The following GREB1 variants were observed in gnomAD, a reference collection of about 807,000 sequenced individuals.
GREB1 encodes growth regulating estrogen receptor binding 1.
A neutral mutation model predicts 200.7 loss-of-function variants in GREB1; 106 were observed. The observed-to-expected ratio is 0.53, with a 90% CI of 0.45 to 0.62. The LOEUF is 0.62. Among genes scored for constraint, GREB1 ranks in the 20% least tolerant of loss-of-function variants. GREB1 has a pLI of 0.00. For synonymous variants in GREB1, 1,132 were observed against 1,092.4 expected (o/e 1.04, Z -0.72); for missense variants, 2,243 against 2,556.8 (o/e 0.88, Z 2.65).
intron 1 of GREB1, among the ~76,000 whole-genome samples, chr2:11,513,049 G>A (rs1673394859): frequency 6.6e-6 from 1 of 152,176 alleles, no homozygotes; most frequent in African/African-American, 2.4e-5. Context: ...AAACTTCTCT[G>A]TTCTGGAGCT....
chr2:11,638,046 T>G, intron 31 of GREB1, 130 bp downstream of exon 31: 1 of 788,622 alleles, frequency 1.3e-6, no homozygotes, highest in South Asian at 1.6e-5. Flanking sequence ...ACTTTGTAGG[T>G]TTTGCCATTC....
intron 28 of GREB1, 96 bp from the exon 29 acceptor site, chr2:11,634,035 C>A: frequency 1.7e-6 from 2 of 1,159,278 alleles, no homozygotes; most frequent in Non-Finnish European, 2.6e-6. Context: ...CAGGTGTTCA[C>A]GGCAGTCTGA....
At chr2:11,522,829 A>G (rs1673747356) in intron 1 of GREB1, among the ~76,000 whole-genome samples, 1 of 152,208 alleles carries the variant, frequency 6.6e-6, no homozygotes, top group Admixed American at 6.5e-5. Context: ...GCTTGAAACA[A>G]AGGTTTTGTT....
At chr2:11,600,761 A>G (rs756793710) in intron 15 of GREB1, 39 bp from the exon 16 acceptor site, 23 of 1,538,508 alleles carry the variant, frequency 1.5e-5, no homozygotes, top group Non-Finnish European at 2.7e-6. Flanking sequence ...TTAGAAAACA[A>G]TATAGTAATT....
intron 3 of GREB1, among the ~76,000 whole-genome samples, chr2:11,565,326 C>T (rs955307985): frequency 1.3e-5 from 2 of 152,226 alleles, no homozygotes; most frequent in Non-Finnish European, 2.9e-5. Context: ...GCGTCTCCCC[C>T]ACAGGTGTTG....
chr2:11,484,839 T>A (rs568096238), intron 1 of GREB1, among the ~76,000 whole-genome samples: 49 of 152,112 alleles, frequency 3.2e-4, no homozygotes, highest in Admixed American at 2.9e-3. Flanking sequence ...GTTTAAATAG[T>A]TTTTTTTGTT....
At chr2:11,502,124 C>T (rs1673065149) in intron 1 of GREB1, among the ~76,000 whole-genome samples, 1 of 150,950 alleles carries the variant, frequency 6.6e-6, no homozygotes, top group South Asian at 2.1e-4. Flanking sequence ...ACCATGTTGG[C>T]CAGGCTGGTC....
intron 1 of GREB1, among the ~76,000 whole-genome samples, chr2:11,519,449 G>GT (rs70955804): frequency 0.45 from 34,958 of 76,908 alleles, 7,783 homozygotes; most frequent in East Asian, 0.65. Flanking sequence ...ACTTGTTTTG[G>GT]TTTTTTTTTT....
At chr2:11,604,271 G>A (rs988587823) in intron 17 of GREB1, among the ~76,000 whole-genome samples, 2 of 152,102 alleles carry the variant, frequency 1.3e-5, no homozygotes, top group African/African-American at 4.8e-5. Flanking sequence ...ATCCTTCCTG[G>A]GTTTGAATCC....
At position 11,629,819 on chromosome 2, in the gene GREB1, G is replaced by A. The variant is rs755660556; in HGVS notation, c.4450-129G>A. Reference sequence around the variant, plus strand: ...CTGCACTTTGCACTGGAGTCACCCCGTGGGTTTCTTGTGCTGTAGGGAAGT... The same window carrying A: ...CTGCACTTTGCACTGGAGTCACCCCATGGGTTTCTTGTGCTGTAGGGAAGT... On this transcript the variant is annotated intron_variant, in intron 25 of 32. Coordinates refer to ENST00000381486, the MANE Select transcript of GREB1 (RefSeq NM_014668.4). This position sits in a 1 kb window ranked among gnomAD's most constrained non-coding sequence, Gnocchi z 5.2. The A allele has an allele frequency of 6.5e-5, 58 of 887,212 alleles. No homozygotes were observed. Among genetic ancestry groups the A allele is most frequent in the Non-Finnish European group, 9.0e-5 (51 of 568,238 alleles). The allele number at this position is 887,212 out of a possible 1,614,324, so 55.0% of individuals were successfully genotyped here.
chr2:11,511,544 T>C (rs1673352082), intron 1 of GREB1, among the ~76,000 whole-genome samples: 1 of 152,074 alleles, frequency 6.6e-6, no homozygotes, highest in Admixed American at 6.6e-5. Context: ...TAACAGGAAC[T>C]CCATTTTGGA....
At chr2:11,518,219 A>G (rs1673575882) in intron 1 of GREB1, among the ~76,000 whole-genome samples, 1 of 152,232 alleles carries the variant, frequency 6.6e-6, no homozygotes, top group Non-Finnish European at 1.5e-5. Context: ...CGTCAAGGTC[A>G]GGAGGAGCAT....
At chr2:11,501,299 G>A (rs567780369) in intron 1 of GREB1, among the ~76,000 whole-genome samples, 1 of 152,334 alleles carries the variant, frequency 6.6e-6, no homozygotes, top group East Asian at 1.9e-4. Context: ...AGAAGGGTGG[G>A]CCTGAGAGGG....
Position 11,556,539 on chromosome 2 carries a change from T to C in GREB1, c.-76T>C. On this transcript the variant is annotated 5_prime_UTR_variant, in exon 2 of 33. Transcript: ENST00000381486. ...CTTCCTCCTTGCAGCTGTTTCACCT[T>C]CTACCTTGCGTGGAGCCAGGCTTTT... 1 of 1,261,564 alleles carries C rather than the reference T, an allele frequency of 7.9e-7. No homozygotes were observed. Among genetic ancestry groups the C allele is most frequent in the Non-Finnish European group, 1.1e-6 (1 of 894,672 alleles). The allele number at this position is 1,261,564 out of a possible 1,614,324, so 78.1% of individuals were successfully genotyped here.
intron 10 of GREB1, chr2:11,592,176 CTTTTTTTTTTCT>C (rs1680788851): frequency 5.4e-6 from 3 of 556,988 alleles, no homozygotes; most frequent in South Asian, 1.6e-4. Flanking sequence ...TGGCTTCCTA[CTTTTTTTTTTCT>C]TTTTTTTTTT....
intron 17 of GREB1, among the ~76,000 whole-genome samples, chr2:11,603,556 A>G (rs1174116981): frequency 3.9e-5 from 6 of 152,264 alleles, no homozygotes; most frequent in African/African-American, 1.2e-4. Flanking sequence ...AGAAGGCTAG[A>G]GATGTGTCCA....
intron 1 of GREB1, among the ~76,000 whole-genome samples, chr2:11,541,443 GA>G (rs1181809350): frequency 3.5e-5 from 5 of 141,560 alleles, no homozygotes; most frequent in African/African-American, 7.4e-5. Context: ...GATGGCAAGT[GA>G]GAGGGGGGCC....
rs201246434 is a variant in GREB1 at position 11,633,735 on chromosome 2, G to GC, written c.4992-389dup. On this transcript the variant is annotated intron_variant, in intron 28 of 32. Coordinates refer to ENST00000381486, the MANE Select transcript of GREB1 (RefSeq NM_014668.4). The surrounding 1 kb of genome is among the most constrained non-coding windows in gnomAD (Gnocchi z 4.1). ...CCGATATTAAGAAAGGGACATTGCT[G>GC]CCCCCCCAGAAACTCCCTTCCTGCT... Among the ~76,000 whole-genome samples, 1,335 of 152,068 alleles carry GC rather than the reference G, an allele frequency of 8.8e-3. 13 individuals are homozygous for GC. The highest frequency in any genetic ancestry group is 0.021 in the Middle Eastern group (6 of 292).
At chr2:11,619,861 A>T (rs1250237303) in intron 22 of GREB1, among the ~76,000 whole-genome samples, 2 of 152,288 alleles carry the variant, frequency 1.3e-5, no homozygotes, top group East Asian at 3.9e-4. Context: ...GTTGGGTGTC[A>T]TATTTTCCTC....
Sources: gnomAD v4.1 joint callset for allele counts (sites outside exome capture counted in the v4.1 genomes callset) on GRCh38, gnomAD v4.1.1 for gene constraint, Gnocchi (gnomAD v3.1) non-coding constraint, MANE v1.5 for transcripts, NCBI Gene and HGNC (gene_info 2026-07-23, HGNC 2026-07-21) for gene names.